Variants in UTP4 observed in about 807,000 individuals in gnomAD.
UTP4 encodes UTP4 small subunit processome component.
In UTP4, 45 loss-of-function variants were observed where a neutral mutation model predicts 82.4. The ratio of observed to expected loss-of-function variants is 0.55; its 90% CI spans 0.43 to 0.70. The LOEUF (loss-of-function observed/expected upper bound fraction) is 0.70, where lower values mean the gene tolerates loss of function less well. Among genes scored for constraint, UTP4 ranks in the 30% least tolerant of loss-of-function variants. UTP4 has a pLI of 0.00. For synonymous variants in UTP4, 348 were observed against 300.3 expected (o/e 1.16, Z -1.64); for missense variants, 819 against 858.3 (o/e 0.95, Z 0.57).
At chr16:69,164,033 C>T (rs549414038) in intron 14 of UTP4, among the ~76,000 whole-genome samples, 45 of 152,012 alleles carry the variant, frequency 3.0e-4, no homozygotes, top group Non-Finnish European at 5.7e-4. Flanking sequence ...TACAGGCGCC[C>T]GCCACCATGC....
At chr16:69,154,515 C>A in intron 10 of UTP4, 58 bp downstream of exon 10, 2 of 1,255,354 alleles carry the variant, frequency 1.6e-6, no homozygotes, top group Non-Finnish European at 2.3e-6. Flanking sequence ...CTCATAATTC[C>A]CATTCTGAAT....
intron 4 of UTP4, 150 bp from the exon 5 acceptor site, chr16:69,139,668 AAATAAAT>A: frequency 3.8e-6 from 1 of 261,656 alleles, no homozygotes; most frequent in Non-Finnish European, 7.0e-6. Context: ...ATAAATAAAT[AAATAAAT>A]AAATAAATAA....
intron 13 of UTP4, among the ~76,000 whole-genome samples, chr16:69,161,340 A>G (rs1042232506): frequency 6.6e-6 from 1 of 152,246 alleles, no homozygotes; most frequent in Admixed American, 6.5e-5. Context: ...AAGTGTATAG[A>G]ATAACATCAA....
chr16:69,143,136 G>T (rs745749219), intron 5 of UTP4, 42 bp from the exon 6 acceptor site: 1 of 1,600,012 alleles, frequency 6.2e-7, no homozygotes. Flanking sequence ...TGAAGACAGA[G>T]AAATAAGTAC....
intron 5 of UTP4, among the ~76,000 whole-genome samples, chr16:69,141,887 T>C (rs1016908535): frequency 8.6e-5 from 13 of 151,980 alleles, no homozygotes; most frequent in African/African-American, 3.1e-4. Flanking sequence ...GTGCACAATG[T>C]GCAGGTTAGT....
At chr16:69,155,769 G>A (rs1392095138) in intron 10 of UTP4, 102 bp from the exon 11 acceptor site, 3 of 1,186,580 alleles carry the variant, frequency 2.5e-6, no homozygotes, top group African/African-American at 3.0e-5. Flanking sequence ...GTAGATATCT[G>A]TGGGTATGTC....
chr16:69,150,587 T>C lies in UTP4; in HGVS notation c.789T>C (p.Phe263=). The change falls in exon 7 of 17, where the codon TTT becomes TTC. Residue 263 remains phenylalanine (F), a synonymous_variant. Transcript: ENST00000314423. Reference sequence around the variant, plus strand: ...CAGCCGAGGGAACAGTCTTCCATTTTCAGCTGGTCCCTGTGACATCTAACA... The same window carrying C: ...CAGCCGAGGGAACAGTCTTCCATTTCCAGCTGGTCCCTGTGACATCTAACA... ...VGTAEGTVFH[F]QLVPVTSNSS... is the part of the protein sequence containing the mutation. 1 of 1,614,232 alleles carries C rather than the reference T, an allele frequency of 6.2e-7. No individual in the cohort carries two copies. The highest frequency in any genetic ancestry group is 8.5e-7 in the Non-Finnish European group (1 of 1,180,046).
rs376605915 is a variant in UTP4, at chr16:69,159,052, CT to C, written c.1445-1294del. ...TATTGAACTTGCTGTTTGTCCGTAACTTTTTTTTTTATTATTAATTTATTTA... is the reference window on the plus strand; with the variant it reads ...TATTGAACTTGCTGTTTGTCCGTAACTTTTTTTTTATTATTAATTTATTTA... On this transcript the variant is annotated intron_variant, in intron 12 of 16. Transcript: ENST00000314423. Among the ~76,000 whole-genome samples the C allele has an allele frequency of 4.2e-3, 622 of 149,862 alleles. 3 individuals are homozygous for C. Among genetic ancestry groups the C allele is most frequent in the Non-Finnish European group, 6.1e-3 (413 of 67,274 alleles).
rs534463609 is a variant in UTP4 at position 69,154,510 on chromosome 16, A to G, written c.1164+53A>G. 3.0e-5 allele frequency: 39 copies of G among 1,286,592 alleles called. No homozygotes were observed. The African/African-American group carries it at 5.3e-4, about 17-fold the overall frequency. The allele number at this position is 1,286,592 out of a possible 1,614,324, so 79.7% of individuals were successfully genotyped here. A position where few individuals can be genotyped will look rare whatever the true frequency, so the allele number is the denominator to read the frequency against. ...TCTAGAGCCTGAATTCTAGGCTCAT[A>G]ATTCCCATTCTGAATTTTGAGGTTA... On this transcript the variant is annotated intron_variant, in intron 10 of 16. Coordinates refer to ENST00000314423, the MANE Select transcript of UTP4 (RefSeq NM_032830.3).
intron 5 of UTP4, among the ~76,000 whole-genome samples, chr16:69,140,393 A>G (rs1381445033): frequency 1.3e-5 from 2 of 152,176 alleles, no homozygotes; most frequent in Non-Finnish European, 2.9e-5. Flanking sequence ...TTAGGTGGAC[A>G]TGTCTGTATT....
intron 14 of UTP4, among the ~76,000 whole-genome samples, chr16:69,164,618 ATATATATATC>A: frequency 7.8e-6 from 1 of 127,492 alleles, no homozygotes; most frequent in Non-Finnish European, 1.7e-5. Context: ...ATATATATGT[ATATATATATC>A]TGTATATAGA....
At position 69,136,370 on chromosome 16, in the gene UTP4, A is replaced by AGT. The variant is rs1232251784; in HGVS notation, c.160-320_160-319dup. The stretch of plus-strand genomic sequence containing the variant: ...AGCCTCCGTAGTAGCTGGGACTATA[A>AGT]GTGTGTGCCACCACACCCGGCTACT... On this transcript the variant is annotated intron_variant, in intron 2 of 16. Coordinates refer to ENST00000314423, the MANE Select transcript of UTP4 (RefSeq NM_032830.3). 5.9e-5 allele frequency among the ~76,000 whole-genome samples: 9 copies of AGT among 152,298 alleles called. 1 individual carries two copies. Among genetic ancestry groups the AGT allele is most frequent in the Middle Eastern group, 3.4e-3 (1 of 294 alleles).
intron 6 of UTP4, among the ~76,000 whole-genome samples, chr16:69,148,118 G>C (rs1228968680): frequency 6.6e-6 from 1 of 151,982 alleles, no homozygotes; most frequent in Non-Finnish European, 1.5e-5. Context: ...ACCACACCCG[G>C]CTAATTTTTT....
At position 69,167,638 on chromosome 16, in the gene UTP4, C is replaced by CA. The variant is rs144026751; in HGVS notation, c.1944+466dup. The CA allele has an allele frequency of 6.2e-3, 808 of 131,214 alleles. 1 individual carries two copies. Among genetic ancestry groups the CA allele is most frequent in the South Asian group, 0.015 (67 of 4,558 alleles). The allele number at this position is 131,214 out of a possible 1,614,324, so 8.1% of individuals were successfully genotyped here. A position where few individuals can be genotyped will look rare whatever the true frequency, so the allele number is the denominator to read the frequency against. Reference sequence around the variant, plus strand: ...CATGGTGAAACCCCATCACTATTAACAAAAAAAAAAAAAGGAGAGTTCTGT... The same window carrying CA: ...CATGGTGAAACCCCATCACTATTAACAAAAAAAAAAAAAAGGAGAGTTCTGT... On this transcript the variant is annotated intron_variant, in intron 16 of 16. Transcript: ENST00000314423.
intron 5 of UTP4, among the ~76,000 whole-genome samples, chr16:69,141,481 T>G (rs1027264346): frequency 6.6e-6 from 1 of 152,194 alleles, no homozygotes; most frequent in African/African-American, 2.4e-5. Context: ...AGGACCTGTT[T>G]TATTTTTTTT....
intron 2 of UTP4, among the ~76,000 whole-genome samples, chr16:69,135,218 G>A (rs555014412): frequency 6.6e-6 from 1 of 152,084 alleles, no homozygotes. Flanking sequence ...CAAAGCCACT[G>A]CTTAATGTTT....
At position 69,162,595 on chromosome 16, in the gene UTP4, C is replaced by T. The variant is rs144612149; in HGVS notation, c.1552-488C>T. ...GGCATGGTGGTGGGTGCCTGTAATC[C>T]CAGCTGCTCGGGAGGCTGAGGCAGG... On this transcript the variant is annotated intron_variant, in intron 13 of 16. Transcript: ENST00000314423. 4.9e-3 allele frequency among the ~76,000 whole-genome samples: 747 copies of T among 151,996 alleles called. 3 individuals are homozygous for T. The highest frequency in any genetic ancestry group is 0.018 in the African/African-American group (728 of 41,462).
At position 69,133,558 on chromosome 16, in the gene UTP4, T is replaced by G; in HGVS notation, c.99T>G (p.Val33=). 6.2e-7 allele frequency: 1 copy of G among 1,614,218 alleles called. No individual in the cohort carries two copies. The highest frequency in any genetic ancestry group is 8.5e-7 in the Non-Finnish European group (1 of 1,180,030). The change falls in exon 2 of 17, where the codon GTT becomes GTG. Residue 33 remains valine (V), a synonymous_variant. Transcript: ENST00000314423. ...AYNNQSNRLA[V]SRTDGTVEIY... ...ATAACCAGTCAAACAGATTGGCTGT[T>G]TCACGAACAGATGGCACTGTGGAAA...
intron 10 of UTP4, among the ~76,000 whole-genome samples, chr16:69,155,547 C>T (rs1467657415): frequency 6.6e-6 from 1 of 152,122 alleles, no homozygotes; most frequent in African/African-American, 2.4e-5. Flanking sequence ...TACTTCAAAC[C>T]ACCTATCCTC....
Sources: allele counts gnomAD v4.1 joint callset (sites outside exome capture counted in the v4.1 genomes callset), GRCh38; gene constraint gnomAD v4.1.1; transcripts MANE v1.5; gene names NCBI Gene and HGNC (gene_info 2026-07-23, HGNC 2026-07-21).